ARNT2: variants seen among roughly 807,000 people sequenced by gnomAD.
ARNT2 encodes aryl hydrocarbon receptor nuclear translocator 2.
ARNT2 carries 36 observed loss-of-function variants against 91.7 expected under a neutral mutation model. The observed-to-expected ratio is 0.39, with a 90% confidence interval of 0.30 to 0.52. The LOEUF (loss-of-function observed/expected upper bound fraction) is 0.52, where lower values mean the gene tolerates loss of function less well. ARNT2 is among the 20% of genes least tolerant of loss of function. The pLI is 0.72. For missense variants in ARNT2, 775 were observed against 939.3 expected (o/e 0.83, Z 2.29); for synonymous variants, 365 against 347.1 (o/e 1.05, Z -0.57).
intron 8 of ARNT2, among the ~76,000 whole-genome samples, chr15:80,535,039 G>A (rs1396831982): frequency 1.3e-5 from 2 of 152,140 alleles, no homozygotes; most frequent in Non-Finnish European, 2.9e-5. Flanking sequence ...ACCATCTGAA[G>A]TCAGTACAAA....
At chr15:80,575,891 C>T (rs1240655881) in intron 14 of ARNT2, among the ~76,000 whole-genome samples, 3 of 152,218 alleles carry the variant, frequency 2.0e-5, no homozygotes, top group Admixed American at 6.5e-5. Flanking sequence ...AGCCCTCCCT[C>T]GCCGGCTCAT....
intron 2 of ARNT2, among the ~76,000 whole-genome samples, chr15:80,453,438 C>T (rs1896433269): frequency 6.6e-6 from 1 of 152,204 alleles, no homozygotes; most frequent in Admixed American, 6.5e-5. Context: ...AGAGATGTAT[C>T]CTGTGTCTAA....
intron 17 of ARNT2, among the ~76,000 whole-genome samples, chr15:80,582,843 T>C (rs1186613370): frequency 6.6e-6 from 1 of 152,192 alleles, no homozygotes; most frequent in Non-Finnish European, 1.5e-5. Flanking sequence ...CCCAGAATCC[T>C]GTTTCTCAGG....
In ARNT2 at chr15:80,404,413, G is replaced by A; in HGVS notation, c.-103G>A. On this transcript the variant is annotated 5_prime_UTR_variant, in exon 1 of 19. Transcript: ENST00000303329. This position sits in a 1 kb window ranked among gnomAD's most constrained non-coding sequence, Gnocchi z 5.5. Reference sequence around the variant, plus strand: ...CGCCCGCGCCGTCCTTTGTGTGGCGGCGGCGGCGCCTGGGCCTGACCGGGT... The same window carrying A: ...CGCCCGCGCCGTCCTTTGTGTGGCGACGGCGGCGCCTGGGCCTGACCGGGT... 1.4e-6 allele frequency: 1 copy of A among 704,488 alleles called. No individual in the cohort carries two copies. Among genetic ancestry groups the A allele is most frequent in the Non-Finnish European group, 1.8e-6 (1 of 564,022 alleles). The allele number at this position is 704,488 out of a possible 1,614,324, so 43.6% of individuals were successfully genotyped here.
At chr15:80,540,254 C>G (rs1289583599) in intron 8 of ARNT2, among the ~76,000 whole-genome samples, 1 of 152,180 alleles carries the variant, frequency 6.6e-6, no homozygotes, top group Non-Finnish European at 1.5e-5. Flanking sequence ...AATAGTCGCA[C>G]CATTTTACAT....
intron 13 of ARNT2, among the ~76,000 whole-genome samples, chr15:80,574,447 C>T (rs1370384809): frequency 6.6e-6 from 1 of 152,188 alleles, no homozygotes; most frequent in African/African-American, 2.4e-5. Context: ...AACCAGGGGC[C>T]ATAGTCAACC....
At chr15:80,528,208 A>G (rs1171629704) in intron 8 of ARNT2, among the ~76,000 whole-genome samples, 13 of 151,786 alleles carry the variant, frequency 8.6e-5, no homozygotes, top group Admixed American at 8.5e-4. Context: ...CAAGGACCAC[A>G]GCTGGCGGGT....
At chr15:80,442,925 C>T (rs1043414984) in intron 1 of ARNT2, 1 of 984,828 alleles carries the variant, frequency 1.0e-6, no homozygotes, top group South Asian at 4.8e-5. Flanking sequence ...GTGACATCAT[C>T]TCTTTCCTCT....
Position 80,429,176 on chromosome 15 carries a change from G to A in ARNT2, c.32-21704G>A, listed in dbSNP as rs1328649032. On this transcript the variant is annotated intron_variant, in intron 1 of 18. Coordinates refer to ENST00000303329, the MANE Select transcript of ARNT2 (RefSeq NM_014862.4). ...CCTTGGAATCTCTGGAGTGATAAGA[G>A]TGTCTTTTGTGTATTAATGAGATGA... 3.9e-5 allele frequency among the ~76,000 whole-genome samples: 6 copies of A among 152,182 alleles called. No individual in the cohort carries two copies. In the South Asian group the frequency reaches 1.2e-3, roughly 32 times the overall value.
intron 1 of ARNT2, among the ~76,000 whole-genome samples, chr15:80,418,790 A>C (rs1380273373): frequency 6.6e-6 from 1 of 152,234 alleles, no homozygotes; most frequent in Non-Finnish European, 1.5e-5. Flanking sequence ...CTGAGTCCCA[A>C]GACAATCAAG....
chr15:80,564,554 G>T (rs956781268), intron 12 of ARNT2, among the ~76,000 whole-genome samples: 1 of 152,036 alleles, frequency 6.6e-6, no homozygotes, highest in African/African-American at 2.4e-5. Flanking sequence ...TAGATTCAGG[G>T]GTTACATATG....
intron 8 of ARNT2, among the ~76,000 whole-genome samples, chr15:80,545,286 C>T (rs1339882124): frequency 6.6e-6 from 1 of 152,186 alleles, no homozygotes; most frequent in Non-Finnish European, 1.5e-5. Context: ...TCTAGAATCA[C>T]CTGGTCCTCT....
At chr15:80,516,735 T>C (rs991339574) in intron 8 of ARNT2, among the ~76,000 whole-genome samples, 2 of 150,632 alleles carry the variant, frequency 1.3e-5, no homozygotes, top group African/African-American at 4.9e-5. Flanking sequence ...TTTCTTTGCC[T>C]CTTTTTTTGC....
chr15:80,565,367 G>A (rs901103829), intron 12 of ARNT2, among the ~76,000 whole-genome samples: 1 of 152,186 alleles, frequency 6.6e-6, no homozygotes, highest in African/African-American at 2.4e-5. Context: ...TATATACCCA[G>A]TAATGCAGTA....
intron 1 of ARNT2, among the ~76,000 whole-genome samples, chr15:80,449,952 C>T (rs1257450691): frequency 1.3e-5 from 2 of 152,214 alleles, no homozygotes; most frequent in African/African-American, 4.8e-5. Flanking sequence ...AAAGCTAACA[C>T]TGTGGAAGTC....
chr15:80,410,792 CTATCTATCTAT>C (rs760319069), intron 1 of ARNT2, among the ~76,000 whole-genome samples: 5 of 149,970 alleles, frequency 3.3e-5, no homozygotes, highest in African/African-American at 1.2e-4. Context: ...ATCTATCTAT[CTATCTATCTAT>C]CTATCTATCA....
chr15:80,418,390 C>T (rs1158346611), intron 1 of ARNT2, among the ~76,000 whole-genome samples: 1 of 152,206 alleles, frequency 6.6e-6, no homozygotes, highest in Non-Finnish European at 1.5e-5. Context: ...CCTGAACCTC[C>T]TGGATCCGGC....
chr15:80,450,901 G>A lies in ARNT2; in HGVS notation c.53G>A (p.Gly18Glu), dbSNP rs1416481441. The change falls in exon 2 of 19, where the codon GGA becomes GAA. Residue 18 changes from glycine to glutamate, a missense_variant. Physicochemically the swap from Gly to Glu is moderately conservative, Grantham distance 98 (BLOSUM62 -2). Coordinates refer to ENST00000303329, the MANE Select transcript of ARNT2 (RefSeq NM_014862.4). ...NPPEMASDIPGSVTLPVAPMA... is the reference protein window; with the variant it reads ...NPPEMASDIPESVTLPVAPMA... ...CCAGAAATGGCTTCAGACATACCTG[G>A]ATCTGTGACGTTGCCCGTTGCCCCC... 1.2e-6 allele frequency: 2 copies of A among 1,614,204 alleles called. No homozygotes were observed. Among genetic ancestry groups the A allele is most frequent in the Admixed American group, 1.7e-5 (1 of 60,022 alleles).
intron 1 of ARNT2, among the ~76,000 whole-genome samples, chr15:80,428,205 C>T (rs910336752): frequency 6.6e-6 from 1 of 152,216 alleles, no homozygotes; most frequent in Admixed American, 6.5e-5. Flanking sequence ...ACTGTGGAAT[C>T]GTTCACCCTC....
Sources: gnomAD v4.1 joint callset for allele counts (sites outside exome capture counted in the v4.1 genomes callset) on GRCh38, gnomAD v4.1.1 for gene constraint, Gnocchi (gnomAD v3.1) non-coding constraint, MANE v1.5 for transcripts, NCBI Gene and HGNC (gene_info 2026-07-23, HGNC 2026-07-21) for gene names.